Variants in CDH4 observed in about 807,000 individuals in gnomAD.
CDH4 encodes the protein cadherin 4, also known as cadherin-4.
Under a neutral mutation model 86.0 loss-of-function variants are expected in CDH4, and 33 were observed. The observed-to-expected ratio is 0.38, with a 90% CI of 0.29 to 0.51. The LOEUF is 0.51. CDH4 is among the 20% of genes least tolerant of loss of function. The pLI is 0.86. For synonymous variants in CDH4, 555 were observed against 549.4 expected (o/e 1.01, Z -0.14); for missense variants, 1,114 against 1,307.4 (o/e 0.85, Z 2.28).
intron 2 of CDH4, among the ~76,000 whole-genome samples, chr20:61,519,617 C>G (rs1230399773): frequency 1.3e-5 from 2 of 152,250 alleles, no homozygotes; most frequent in Non-Finnish European, 2.9e-5. Context: ...ATAGCACTGG[C>G]CAGGCAGCGC....
chr20:61,767,592 T>C (rs546326432), intron 3 of CDH4, among the ~76,000 whole-genome samples: 62 of 152,274 alleles, frequency 4.1e-4, no homozygotes, highest in African/African-American at 1.4e-3. Context: ...GCTAAAACCC[T>C]ATAGGCTGGA....
chr20:61,914,843 C>T (rs958292993), intron 9 of CDH4, among the ~76,000 whole-genome samples: 1 of 152,186 alleles, frequency 6.6e-6, no homozygotes, highest in Non-Finnish European at 1.5e-5. Context: ...CAAGGAGGAG[C>T]AAACCAAGTT....
At chr20:61,746,903 T>C (rs1201051695) in intron 3 of CDH4, among the ~76,000 whole-genome samples, 1 of 152,218 alleles carries the variant, frequency 6.6e-6, no homozygotes, top group East Asian at 1.9e-4. Flanking sequence ...CTGGGCCACC[T>C]GGTTGATGCG....
chr20:61,788,324 A>G (rs4998284), intron 4 of CDH4, among the ~76,000 whole-genome samples: 13,499 of 152,090 alleles, frequency 0.089, 1,169 homozygotes, highest in African/African-American at 0.22. Context: ...AAAAAGAAAC[A>G]GCCCTGAGGG....
intron 4 of CDH4, among the ~76,000 whole-genome samples, chr20:61,801,448 G>A (rs531777288): frequency 8.6e-4 from 131 of 152,296 alleles, no homozygotes; most frequent in Non-Finnish European, 1.6e-3. Context: ...CTGAAGTGCC[G>A]AAGTAGGTGT....
At chr20:61,739,672 G>C (rs538544897) in intron 2 of CDH4, among the ~76,000 whole-genome samples, 6 of 152,374 alleles carry the variant, frequency 3.9e-5, no homozygotes, top group Non-Finnish European at 8.8e-5. Flanking sequence ...GCCTAGAGGA[G>C]GGTGAGTGAC....
intron 3 of CDH4, among the ~76,000 whole-genome samples, chr20:61,750,558 A>G (rs1252399545): frequency 6.6e-6 from 1 of 152,170 alleles, no homozygotes; most frequent in Admixed American, 6.5e-5. Context: ...TCTTACACAA[A>G]CCTATCCAAA....
intron 2 of CDH4, among the ~76,000 whole-genome samples, chr20:61,584,411 C>T (rs1448897189): frequency 2.0e-5 from 3 of 152,176 alleles, no homozygotes; most frequent in Non-Finnish European, 4.4e-5. Flanking sequence ...TTCTGCTCAT[C>T]CCAGACCGCA....
chr20:61,874,736 C>T (rs534296034), intron 7 of CDH4, among the ~76,000 whole-genome samples: 19 of 152,300 alleles, frequency 1.2e-4, no homozygotes, highest in East Asian at 5.8e-4. Flanking sequence ...CTCCAGGTCT[C>T]GCTGTCTGGT....
rs1568749457 is a variant in CDH4 at position 61,676,747 on chromosome 20, CA to C, written c.170-66815del. Reference sequence around the variant, plus strand: ...TGTAATACAAATGTAAATGATGCTGCATTTCAGAAGGTGGTGTTTGCTGCGA... The same window carrying C: ...TGTAATACAAATGTAAATGATGCTGCTTTCAGAAGGTGGTGTTTGCTGCGA... On this transcript the variant is annotated intron_variant, in intron 2 of 15. Coordinates refer to ENST00000614565, the MANE Select transcript of CDH4 (RefSeq NM_001794.5). This position sits in a 1 kb window ranked among gnomAD's most constrained non-coding sequence, Gnocchi z 4.5. 6.6e-6 allele frequency among the ~76,000 whole-genome samples: 1 copy of C among 152,200 alleles called. No homozygotes were observed. Among genetic ancestry groups the C allele is most frequent in the African/African-American group, 2.4e-5 (1 of 41,432 alleles).
intron 2 of CDH4, among the ~76,000 whole-genome samples, chr20:61,549,588 G>T (rs2086112526): frequency 6.6e-5 from 10 of 152,214 alleles, no homozygotes; most frequent in Admixed American, 6.5e-4. Context: ...CCGTGGATGT[G>T]TGTCCATGAG....
chr20:61,468,318 A>G (rs908199098), intron 2 of CDH4, among the ~76,000 whole-genome samples: 2 of 152,254 alleles, frequency 1.3e-5, no homozygotes, highest in Admixed American at 6.5e-5. Context: ...GGCCTCTCCC[A>G]GGGCCAAAGG....
At chr20:61,280,570 C>T (rs147907764) in intron 2 of CDH4, among the ~76,000 whole-genome samples, 1 of 152,308 alleles carries the variant, frequency 6.6e-6, no homozygotes, top group Non-Finnish European at 1.5e-5. Flanking sequence ...CAGGGTTTCA[C>T]GGCTGTGAAA....
chr20:61,752,760 C>G (rs1371486686), intron 3 of CDH4, among the ~76,000 whole-genome samples: 1 of 152,204 alleles, frequency 6.6e-6, no homozygotes, highest in Non-Finnish European at 1.5e-5. Flanking sequence ...AGAAGGAGAG[C>G]AGGCAGGTGC....
At chr20:61,423,816 G>C (rs1016170405) in intron 2 of CDH4, among the ~76,000 whole-genome samples, 1 of 152,152 alleles carries the variant, frequency 6.6e-6, no homozygotes, top group Admixed American at 6.5e-5. Flanking sequence ...TGGTCCCGTC[G>C]CAATCAGGCC....
chr20:61,254,363 G>T (rs1381520979), intron 1 of CDH4, among the ~76,000 whole-genome samples: 1 of 152,210 alleles, frequency 6.6e-6, no homozygotes, highest in Non-Finnish European at 1.5e-5. Context: ...GACCTGGAGA[G>T]GAGACAAGAA....
chr20:61,595,114 C>G (rs952417821), intron 2 of CDH4, among the ~76,000 whole-genome samples: 2 of 152,230 alleles, frequency 1.3e-5, no homozygotes, highest in Admixed American at 1.3e-4. Context: ...GAATCAGGAC[C>G]TGTGCAGCGC....
intron 2 of CDH4, among the ~76,000 whole-genome samples, chr20:61,298,032 C>T (rs73314987): frequency 0.13 from 19,677 of 152,206 alleles, 1,420 homozygotes; most frequent in African/African-American, 0.18. Flanking sequence ...CGCAGGCACC[C>T]GAGGAAGGCT....
chr20:61,709,704 A>AT lies in CDH4; in HGVS notation c.170-33857dup, dbSNP rs2087869539. Among the ~76,000 whole-genome samples, 1 of 152,052 alleles carries AT rather than the reference A, an allele frequency of 6.6e-6. No individual in the cohort carries two copies. Among genetic ancestry groups the AT allele is most frequent in the Admixed American group, 6.5e-5 (1 of 15,274 alleles). ...AATGGCACCCATAAATGGAAGCAAT[A>AT]TTGGTGATGCTCCACTCTACACACT... On this transcript the variant is annotated intron_variant, in intron 2 of 15. Coordinates refer to ENST00000614565, the MANE Select transcript of CDH4 (RefSeq NM_001794.5). This position sits in a 1 kb window ranked among gnomAD's most constrained non-coding sequence, Gnocchi z 4.8.
Sources: allele counts gnomAD v4.1 joint callset (sites outside exome capture counted in the v4.1 genomes callset), GRCh38; gene constraint gnomAD v4.1.1; non-coding constraint Gnocchi (gnomAD v3.1); transcripts MANE v1.5; gene names NCBI Gene and HGNC (gene_info 2026-07-23, HGNC 2026-07-21).